ATP1A4: variants seen among roughly 807,000 people sequenced by gnomAD.
ATP1A4 encodes the protein sodium/potassium-transporting ATPase subunit alpha-4.
Under a neutral mutation model 114.3 loss-of-function variants are expected in ATP1A4, and 90 were observed. That is an observed-to-expected ratio of 0.79 (90% CI 0.66 to 0.94). The LOEUF is 0.94. ATP1A4 is among the 40% of genes least tolerant of loss of function. ATP1A4 has a pLI of 0.00. For synonymous variants in ATP1A4, 511 were observed against 494.1 expected (o/e 1.03, Z -0.45); for missense variants, 1,222 against 1,313.6 (o/e 0.93, Z 1.08).
At chr1:160,161,502 C>T (rs1006898961) in intron 6 of ATP1A4, among the ~76,000 whole-genome samples, 1 of 152,174 alleles carries the variant, frequency 6.6e-6, no homozygotes, top group African/African-American at 2.4e-5. Flanking sequence ...TCTAGACACA[C>T]TGAGATTAAT....
rs769691798 is a variant in ATP1A4, at chr1:160,174,586, T to C, written c.2150T>C (p.Val717Ala). Residue 717 changes from valine (V) to alanine (A), a missense_variant, in exon 15 of 22, where the codon GTT (valine) becomes GCT (alanine). By Grantham distance (64) the Val-to-Ala change is moderately conservative (BLOSUM62 0). Transcript: ENST00000368081. ...IVEGCQRLGAVVAVTGDGVND... is the reference protein window; with the variant it reads ...IVEGCQRLGAAVAVTGDGVND... ...CTGTCTGGACTTCCTCAGGGAGCCG[T>C]TGTGGCCGTGACAGGTGACGGGGTG... is the stretch of plus-strand genomic sequence containing the variant. 1.6e-5 allele frequency: 26 copies of C among 1,613,516 alleles called. No homozygotes were observed. The highest frequency in any genetic ancestry group is 2.0e-5 in the Non-Finnish European group (24 of 1,179,600).
intron 14 of ATP1A4, 54 bp downstream of exon 14, chr1:160,174,315 C>T: frequency 6.2e-7 from 1 of 1,609,648 alleles, no homozygotes; most frequent in Non-Finnish European, 8.5e-7. Flanking sequence ...GTGGCTTAGC[C>T]CCGTCCCAAA....
At chr1:160,176,906 C>CCTATT (rs1459556334) in intron 17 of ATP1A4, among the ~76,000 whole-genome samples, 14 of 152,252 alleles carry the variant, frequency 9.2e-5, no homozygotes, top group Middle Eastern at 3.4e-3. Flanking sequence ...AGGCCTTATG[C>CCTATT]AGGAAATAGG....
chr1:160,163,698 T>C (rs530730696), intron 6 of ATP1A4, among the ~76,000 whole-genome samples: 1 of 152,038 alleles, frequency 6.6e-6, no homozygotes, highest in Non-Finnish European at 1.5e-5. Context: ...TTAATGGAGA[T>C]TTCATTACAT....
chr1:160,178,426 C>A (rs1653565431), intron 18 of ATP1A4, among the ~76,000 whole-genome samples: 1 of 151,816 alleles, frequency 6.6e-6, no homozygotes, highest in African/African-American at 2.4e-5. Flanking sequence ...CCTGTAATCC[C>A]AGCACTTTGG....
At chr1:160,182,915 C>T (rs779127808) in intron 20 of ATP1A4, 2 of 152,224 alleles carry the variant, frequency 1.3e-5, no homozygotes, top group Non-Finnish European at 2.9e-5. Flanking sequence ...TCAGGTGATC[C>T]ACCTGCCTGT....
chr1:160,185,143 C>T (rs1474615377), intron 20 of ATP1A4, among the ~76,000 whole-genome samples: 3 of 149,992 alleles, frequency 2.0e-5, no homozygotes, highest in Non-Finnish European at 3.0e-5. Context: ...GTCTTGGTCT[C>T]GCTCTGTCGC....
At chr1:160,159,639 G>A (rs1652800683) in intron 6 of ATP1A4, 113 bp downstream of exon 6, 1 of 902,054 alleles carries the variant, frequency 1.1e-6, no homozygotes, top group Non-Finnish European at 1.7e-6. Context: ...AAAAAGTCGA[G>A]CTTCTCCATC....
intron 15 of ATP1A4, among the ~76,000 whole-genome samples, 161 bp downstream of exon 15, chr1:160,174,908 T>C (rs1002253611): frequency 2.5e-4 from 38 of 152,214 alleles, no homozygotes; most frequent in Admixed American, 2.0e-4. Context: ...TTAGATCAGC[T>C]GGTACATAGA....
intron 20 of ATP1A4, chr1:160,183,171 G>A (rs1316258945): frequency 6.6e-6 from 1 of 152,196 alleles, no homozygotes; most frequent in Non-Finnish European, 1.5e-5. Flanking sequence ...GACAAGTATG[G>A]AACCATTCTG....
rs762065829 is a variant in ATP1A4 at position 160,156,035 on chromosome 1, C to T, written c.412-10C>T. 3 of 1,572,852 alleles carry T rather than the reference C, an allele frequency of 1.9e-6. No individual in the cohort carries two copies. In the South Asian group the frequency reaches 3.3e-5, roughly 17 times the overall value. The stretch of plus-strand genomic sequence containing the variant: ...TCCCACTGATAAACGCTTTCTTTCC[C>T]CACCCTCAGCTCTACCTGAGCATCG... On this transcript the variant is annotated splice_polypyrimidine_tract_variant and intron_variant, in intron 3 of 21. Coordinates refer to ENST00000368081, the MANE Select transcript of ATP1A4 (RefSeq NM_144699.4).
intron 18 of ATP1A4, 76 bp from the exon 19 acceptor site, chr1:160,181,608 G>A: frequency 6.5e-7 from 1 of 1,534,636 alleles, no homozygotes; most frequent in Non-Finnish European, 8.9e-7. Flanking sequence ...GGTCCTGGAA[G>A]GTGGGAGAGG....
At chr1:160,178,094 C>T (rs567076936) in intron 18 of ATP1A4, among the ~76,000 whole-genome samples, 6 of 152,292 alleles carry the variant, frequency 3.9e-5, no homozygotes, top group African/African-American at 1.2e-4. Flanking sequence ...CAGTGGCTCA[C>T]GCCTGTAATC....
chr1:160,152,329 TAA>T (rs35726220), intron 1 of ATP1A4, 142 bp downstream of exon 1: 23,516 of 664,428 alleles, frequency 0.035, no homozygotes, highest in East Asian at 0.047. Context: ...AGGAGAGGGT[TAA>T]AAAAAAAAAA....
intron 18 of ATP1A4, among the ~76,000 whole-genome samples, chr1:160,179,243 A>G (rs1035914854): frequency 6.6e-6 from 1 of 152,216 alleles, no homozygotes; most frequent in Non-Finnish European, 1.5e-5. Context: ...CCAGCTATTA[A>G]CACTGCTGCA....
intron 3 of ATP1A4, among the ~76,000 whole-genome samples, 180 bp downstream of exon 3, chr1:160,155,428 C>A (rs911096377): frequency 1.3e-5 from 2 of 151,214 alleles, no homozygotes; most frequent in Admixed American, 6.6e-5. Flanking sequence ...TAATTAATTA[C>A]AATGTAATTG....
intron 2 of ATP1A4, 115 bp from the exon 3 acceptor site, chr1:160,154,930 G>A (rs1652583329): frequency 1.1e-6 from 1 of 936,922 alleles, no homozygotes; most frequent in Non-Finnish European, 1.6e-6. Context: ...CTGACCTTCT[G>A]AAAGCGTCTT....
chr1:160,173,536 C>T (rs753946401), intron 12 of ATP1A4, 45 bp from the exon 13 acceptor site: 2 of 1,598,498 alleles, frequency 1.3e-6, no homozygotes, highest in Admixed American at 3.4e-5. Flanking sequence ...AGGATCCGGG[C>T]TCTGAAGATG....
At chr1:160,171,062 C>A in intron 10 of ATP1A4, 189 bp from the exon 11 acceptor site, 2 of 521,684 alleles carry the variant, frequency 3.8e-6, no homozygotes, top group Non-Finnish European at 3.4e-6. Context: ...TAATACCAGG[C>A]TGCAGTTTTC....
Sources: gnomAD v4.1 joint callset for allele counts (sites outside exome capture counted in the v4.1 genomes callset) on GRCh38, gnomAD v4.1.1 for gene constraint, MANE v1.5 for transcripts, NCBI Gene and HGNC (gene_info 2026-07-23, HGNC 2026-07-21) for gene names.